The following PHLDB2 variants were observed in gnomAD, a reference collection of about 807,000 sequenced individuals.
PHLDB2 encodes pleckstrin homology like domain family B member 2.
Under a neutral mutation model 123.6 loss-of-function variants are expected in PHLDB2, and 71 were observed. The ratio of observed to expected loss-of-function variants is 0.57; its 90% CI spans 0.47 to 0.70. PHLDB2 has a LOEUF of 0.70. PHLDB2 is among the 30% of genes least tolerant of loss of function. PHLDB2 has a pLI of 0.00. For missense variants in PHLDB2, 1,446 were observed against 1,519.5 expected (o/e 0.95, Z 0.80); for synonymous variants, 547 against 541.6 (o/e 1.01, Z -0.14).
intron 2 of PHLDB2, among the ~76,000 whole-genome samples, chr3:111,900,925 G>A (rs2067158049): frequency 6.6e-6 from 1 of 151,684 alleles, no homozygotes; most frequent in African/African-American, 2.4e-5. Context: ...TTATAGAAAT[G>A]GGGTCTCTCT....
At chr3:111,797,461 A>G (rs2061208957) in intron 1 of PHLDB2, among the ~76,000 whole-genome samples, 1 of 152,244 alleles carries the variant, frequency 6.6e-6, no homozygotes, top group Admixed American at 6.5e-5. Flanking sequence ...CCATTGCCAC[A>G]GAATTTTTCC....
In PHLDB2 at chr3:111,746,170, A is replaced by G. The variant is rs141644634; in HGVS notation, c.-49+13467A>G. ...AGAATCAAGCACTTTGGAGTTATGG[A>G]CTGAGCGAGTCAGTGACAATTCAAG... On this transcript the variant is annotated intron_variant, in intron 1 of 17. Transcript: ENST00000393923. Among the ~76,000 whole-genome samples, 415 of 152,344 alleles carry G rather than the reference A, an allele frequency of 2.7e-3. 2 individuals carry two copies. The highest frequency in any genetic ancestry group is 9.4e-3 in the African/African-American group (390 of 41,580).
chr3:111,792,979 AT>A (rs2060991107), intron 1 of PHLDB2, among the ~76,000 whole-genome samples: 1 of 152,204 alleles, frequency 6.6e-6, no homozygotes, highest in Non-Finnish European at 1.5e-5. Flanking sequence ...GACTACACTG[AT>A]TCAGACCCAA....
At chr3:111,873,000 A>G (rs191543378) in intron 1 of PHLDB2, among the ~76,000 whole-genome samples, 339 of 152,330 alleles carry the variant, frequency 2.2e-3, no homozygotes, top group South Asian at 5.0e-3. Context: ...AACTAAAAAG[A>G]AAAAATGGGG....
intron 2 of PHLDB2, among the ~76,000 whole-genome samples, chr3:111,907,694 C>A (rs1192586818): frequency 6.6e-6 from 1 of 152,104 alleles, no homozygotes; most frequent in Non-Finnish European, 1.5e-5. Context: ...CAGGGTTTAA[C>A]CATATTAGGC....
intron 6 of PHLDB2, among the ~76,000 whole-genome samples, chr3:111,935,319 T>G (rs983465435): frequency 6.6e-6 from 1 of 152,114 alleles, no homozygotes; most frequent in East Asian, 1.9e-4. Context: ...TAAAAAAATT[T>G]TATTCAGTGA....
intron 1 of PHLDB2, among the ~76,000 whole-genome samples, chr3:111,826,908 A>C (rs772316241): frequency 2.6e-5 from 4 of 152,222 alleles, no homozygotes; most frequent in Admixed American, 1.3e-4. Context: ...GCCTCTGCTG[A>C]TGATGATGAT....
intron 2 of PHLDB2, among the ~76,000 whole-genome samples, chr3:111,901,595 T>C (rs1025107232): frequency 2.6e-5 from 4 of 152,162 alleles, no homozygotes; most frequent in Admixed American, 2.0e-4. Flanking sequence ...CATATACTTA[T>C]TTTGATTGAA....
At chr3:111,832,204 T>A (rs527773149) in intron 1 of PHLDB2, among the ~76,000 whole-genome samples, 1 of 152,184 alleles carries the variant, frequency 6.6e-6, no homozygotes, top group Admixed American at 6.5e-5. Context: ...CAGCACCACT[T>A]CATACCAAAT....
chr3:111,766,180 C>T (rs569437475), intron 1 of PHLDB2, among the ~76,000 whole-genome samples: 1 of 152,266 alleles, frequency 6.6e-6, no homozygotes, highest in South Asian at 2.1e-4. Flanking sequence ...ATGTCTTATG[C>T]CTGTGATCCC....
At chr3:111,919,339 G>T in intron 4 of PHLDB2, 124 bp downstream of exon 4, 1 of 998,144 alleles carries the variant, frequency 1.0e-6, no homozygotes. Flanking sequence ...CATTTATTCA[G>T]TGGGTTCCCT....
rs190760274 is a variant in PHLDB2, at chr3:111,927,169, G to A, written c.2002-5100G>A. Among the ~76,000 whole-genome samples, 162 of 152,208 alleles carry A rather than the reference G, an allele frequency of 1.1e-3. 1 individual carries two copies. Among genetic ancestry groups the A allele is most frequent in the African/African-American group, 3.6e-3 (150 of 41,534 alleles). On this transcript the variant is annotated intron_variant, in intron 5 of 17. Coordinates refer to ENST00000431670, the MANE Select transcript of PHLDB2 (RefSeq NM_001134438.2). ...GCCTGCCTCCCAAACAAAGCCACAG[G>A]GTTTAGGAACAGGAAGGAAAGGGAT... is the stretch of plus-strand genomic sequence containing the variant.
At chr3:111,811,234 G>A (rs79839100) in intron 1 of PHLDB2, among the ~76,000 whole-genome samples, 9,769 of 152,162 alleles carry the variant, frequency 0.064, 423 homozygotes, top group South Asian at 0.16. Flanking sequence ...AAAACTAGAA[G>A]CTTTATCCCA....
chr3:111,919,526 C>T lies in PHLDB2; in HGVS notation c.1863+311C>T, dbSNP rs142720222. On this transcript the variant is annotated intron_variant, in intron 4 of 17. Transcript: ENST00000431670. ...AACAGAGGATCTATCAGCTGAGGTG[C>T]TCTGTATTTAGATTTCAAGGTCAAA... 4.6e-3 allele frequency among the ~76,000 whole-genome samples: 704 copies of T among 152,214 alleles called. 12 individuals are homozygous for T. The highest frequency in any genetic ancestry group is 0.016 in the African/African-American group (655 of 41,514).
chr3:111,960,094 C>A, intron 12 of PHLDB2: 1 of 663,510 alleles, frequency 1.5e-6, no homozygotes, highest in Non-Finnish European at 1.9e-6. Context: ...CAAATAATTT[C>A]TGTTGTTTTT....
chr3:111,846,067 G>T, intron 2 of PHLDB2: 1 of 938,158 alleles, frequency 1.1e-6, no homozygotes. Context: ...GAGAGCCTGA[G>T]GCTGGCAATC....
chr3:111,909,898 A>G lies in PHLDB2; in HGVS notation c.1336-3421A>G, dbSNP rs146779758. ...ACAAAAGGTTTTTAGCAAAGATTAC[A>G]CCTGTGCTTAAGTGTCAGCAGTTGG... On this transcript the variant is annotated intron_variant, in intron 2 of 17. Transcript: ENST00000431670. Among the ~76,000 whole-genome samples, 413 of 152,268 alleles carry G rather than the reference A, an allele frequency of 2.7e-3. 2 individuals are homozygous for G. Among genetic ancestry groups the G allele is most frequent in the African/African-American group, 9.8e-3 (407 of 41,546 alleles).
At chr3:111,856,472 T>C (rs984900473), upstream of PHLDB2, among the ~76,000 whole-genome samples, 1 of 152,204 alleles carries the variant, frequency 6.6e-6, no homozygotes, top group Admixed American at 6.5e-5. Flanking sequence ...TCAACTAATA[T>C]TGTCCTATAT....
intron 10 of PHLDB2, 37 bp downstream of exon 10, chr3:111,949,112 T>C (rs1482176984): frequency 6.2e-7 from 1 of 1,607,346 alleles, no homozygotes; most frequent in South Asian, 1.1e-5. Flanking sequence ...TCACTGCTTT[T>C]CTTCATGTCA....
Sources: gnomAD v4.1 joint callset for allele counts (sites outside exome capture counted in the v4.1 genomes callset) on GRCh38, gnomAD v4.1.1 for gene constraint, MANE v1.5 for transcripts, NCBI Gene and HGNC (gene_info 2026-07-23, HGNC 2026-07-21) for gene names.